ASB7: variants seen among roughly 807,000 people sequenced by gnomAD.
ASB7 encodes the protein ankyrin repeat and SOCS box containing 7, also known as ankyrin repeat and SOCS box protein 7.
Under a neutral mutation model 32.5 loss-of-function variants are expected in ASB7, and 4 were observed. The ratio of observed to expected loss-of-function variants is 0.12; its 90% CI spans 0.06 to 0.28. The LOEUF is 0.28. Among genes scored for constraint, ASB7 ranks in the 10% least tolerant of loss-of-function variants. The pLI, the probability that ASB7 is intolerant of heterozygous loss-of-function variation, is 1.00. For synonymous variants in ASB7, 172 were observed against 155.6 expected, an observed-to-expected ratio of 1.11 and a Z score of -0.78; for missense variants, 181 against 407.1, an observed-to-expected ratio of 0.44 and a Z score of 4.78.
intron 4 of ASB7, among the ~76,000 whole-genome samples, chr15:100,624,381 A>T (rs2039819588): frequency 6.6e-6 from 1 of 152,234 alleles, no homozygotes; most frequent in African/African-American, 2.4e-5. Context: ...CTTGATCGTT[A>T]CACATTCTGT....
chr15:100,620,570 A>G (rs2039782584), intron 4 of ASB7, among the ~76,000 whole-genome samples: 1 of 80,622 alleles, frequency 1.2e-5, no homozygotes, highest in Admixed American at 1.2e-4. Flanking sequence ...TGGGATGCAT[A>G]TAATAGCACG....
intron 4 of ASB7, among the ~76,000 whole-genome samples, chr15:100,627,152 AT>A (rs2039846981): frequency 6.6e-6 from 1 of 152,094 alleles, no homozygotes. Flanking sequence ...TATACATTAA[AT>A]TTTTTTCTCG....
chr15:100,619,060 G>T (rs2039768831), intron 4 of ASB7, among the ~76,000 whole-genome samples: 1 of 152,176 alleles, frequency 6.6e-6, no homozygotes, highest in South Asian at 2.1e-4. Context: ...AGTTCCAAAA[G>T]AGTGAATTTA....
At chr15:100,611,744 T>G (rs1245773177) in intron 3 of ASB7, among the ~76,000 whole-genome samples, 1 of 151,908 alleles carries the variant, frequency 6.6e-6, no homozygotes, top group Non-Finnish European at 1.5e-5. Context: ...CCTCCCAAAG[T>G]GCTAAGACTG....
intron 4 of ASB7, among the ~76,000 whole-genome samples, chr15:100,616,487 T>G (rs1282207696): frequency 6.6e-6 from 1 of 152,224 alleles, no homozygotes; most frequent in Non-Finnish European, 1.5e-5. Context: ...CTTTTTAATC[T>G]GTTCAGAATT....
At chr15:100,646,577 C>G (rs549268131) in intron 5 of ASB7, 4 of 370,510 alleles carry the variant, frequency 1.1e-5, no homozygotes, top group East Asian at 6.4e-5. Flanking sequence ...CTTTAAGAGA[C>G]AGCAGGGATT....
chr15:100,602,605 T>C lies in ASB7; in HGVS notation c.-714T>C, dbSNP rs931938672. 1.1e-5 allele frequency: 2 copies of C among 184,138 alleles called. No homozygotes were observed. The highest frequency in any genetic ancestry group is 2.4e-5 in the African/African-American group (1 of 42,544). The allele number at this position is 184,138 out of a possible 1,614,324, so 11.4% of individuals were successfully genotyped here. Reference sequence around the variant, plus strand: ...TCCCATCCCAGTGACCCCAAAGTGCTGAAGGGAGGGGGCGGGGGTGGCCCA... The same window carrying C: ...TCCCATCCCAGTGACCCCAAAGTGCCGAAGGGAGGGGGCGGGGGTGGCCCA... On this transcript the variant is annotated 5_prime_UTR_variant, in exon 1 of 6. Coordinates refer to ENST00000332783, the MANE Select transcript of ASB7 (RefSeq NM_198243.3).
intron 5 of ASB7, among the ~76,000 whole-genome samples, chr15:100,640,787 G>A (rs2039955714): frequency 6.6e-6 from 1 of 152,148 alleles, no homozygotes; most frequent in African/African-American, 2.4e-5. Context: ...GGTGATTTAG[G>A]ATATTTAATT....
At chr15:100,617,618 T>A (rs866727405) in intron 4 of ASB7, among the ~76,000 whole-genome samples, 1 of 152,260 alleles carries the variant, frequency 6.6e-6, no homozygotes, top group Admixed American at 6.5e-5. Flanking sequence ...CTTGTATATA[T>A]CCCTGCTATG....
intron 5 of ASB7, among the ~76,000 whole-genome samples, chr15:100,638,956 C>G (rs548494422): frequency 6.6e-6 from 1 of 152,076 alleles, no homozygotes; most frequent in African/African-American, 2.4e-5. Flanking sequence ...ACTCCTGTGG[C>G]GGGCTCTGGT....
At chr15:100,639,858 A>G (rs2039948910) in intron 5 of ASB7, among the ~76,000 whole-genome samples, 1 of 152,204 alleles carries the variant, frequency 6.6e-6, no homozygotes, top group Admixed American at 6.5e-5. Context: ...TAATATAGGC[A>G]TCTAGAGATT....
chr15:100,610,761 G>C (rs749846582), intron 3 of ASB7, among the ~76,000 whole-genome samples: 8 of 152,138 alleles, frequency 5.3e-5, no homozygotes, highest in Non-Finnish European at 1.2e-4. Context: ...AGATTATCCT[G>C]ATATGTCTAA....
intron 5 of ASB7, among the ~76,000 whole-genome samples, chr15:100,641,881 G>T (rs985917381): frequency 3.1e-4 from 47 of 152,320 alleles, no homozygotes; most frequent in African/African-American, 1.1e-3. Context: ...AGCGTTTGAG[G>T]TGAGTGTGAT....
chr15:100,617,103 A>T (rs2039750349), intron 4 of ASB7, among the ~76,000 whole-genome samples: 2 of 152,132 alleles, frequency 1.3e-5, no homozygotes, highest in African/African-American at 4.8e-5. Context: ...AAGTTGTCAG[A>T]GCTTTTCACT....
At chr15:100,610,118 CA>C (rs1420749960) in intron 3 of ASB7, among the ~76,000 whole-genome samples, 2 of 152,266 alleles carry the variant, frequency 1.3e-5, no homozygotes, top group Non-Finnish European at 2.9e-5. Flanking sequence ...ACAGAATAAG[CA>C]AAAACCTATT....
At chr15:100,628,709 C>G (rs998611022) in intron 4 of ASB7, among the ~76,000 whole-genome samples, 1 of 152,150 alleles carries the variant, frequency 6.6e-6, no homozygotes, top group African/African-American at 2.4e-5. Flanking sequence ...GTTGTTTTTC[C>G]TTCCCCAGAG....
chr15:100,634,888 G>C (rs930882768), intron 5 of ASB7, among the ~76,000 whole-genome samples: 11 of 152,214 alleles, frequency 7.2e-5, no homozygotes, highest in African/African-American at 2.4e-4. Context: ...CAGTAACACA[G>C]TCCAGTGGAA....
intron 5 of ASB7, among the ~76,000 whole-genome samples, chr15:100,643,418 A>C (rs191657482): frequency 5.9e-5 from 9 of 151,972 alleles, no homozygotes; most frequent in Non-Finnish European, 1.0e-4. Flanking sequence ...AGTCTGTCAC[A>C]AAACAAATCC....
chr15:100,612,958 A>G (rs1253096086), intron 4 of ASB7, among the ~76,000 whole-genome samples: 2 of 152,214 alleles, frequency 1.3e-5, no homozygotes. Context: ...GTTATCTGAG[A>G]TCTAATTTTG....
Sources: gnomAD v4.1 joint callset for allele counts (sites outside exome capture counted in the v4.1 genomes callset) on GRCh38, gnomAD v4.1.1 for gene constraint, MANE v1.5 for transcripts, NCBI Gene and HGNC (gene_info 2026-07-23, HGNC 2026-07-21) for gene names.